MAGI2: variants seen among roughly 807,000 people sequenced by gnomAD.
The protein encoded by MAGI2 is membrane-associated guanylate kinase, WW and PDZ domain-containing protein 2.
MAGI2 carries 35 observed loss-of-function variants against 133.3 expected under a neutral mutation model. That is an observed-to-expected ratio of 0.26 (90% confidence interval 0.20 to 0.35). MAGI2 has a LOEUF of 0.35. Among genes scored for constraint, MAGI2 ranks in the 10% least tolerant of loss-of-function variants. MAGI2 has a pLI of 1.00. For missense variants in MAGI2, 1,636 were observed against 1,863.4 expected (o/e 0.88, Z 2.25); for synonymous variants, 729 against 710.6 (o/e 1.03, Z -0.41).
chr7:78,106,327 C>CTTATT (rs1818691135), intron 20 of MAGI2, among the ~76,000 whole-genome samples: 2 of 152,038 alleles, frequency 1.3e-5, no homozygotes, highest in African/African-American at 4.8e-5. Flanking sequence ...CAAGGGGGTG[C>CTTATT]ACATATCTCT....
chr7:78,894,052 T>C (rs746268748), intron 2 of MAGI2, among the ~76,000 whole-genome samples: 3 of 152,200 alleles, frequency 2.0e-5, no homozygotes, highest in African/African-American at 4.8e-5. Context: ...CCTTCAGTTT[T>C]CAATGACATT....
chr7:78,540,174 T>G (rs1798294337), intron 3 of MAGI2, among the ~76,000 whole-genome samples: 1 of 152,186 alleles, frequency 6.6e-6, no homozygotes, highest in Admixed American at 6.5e-5. Flanking sequence ...CTTTGGCTAC[T>G]AGGGTGGGTA....
intron 1 of MAGI2, among the ~76,000 whole-genome samples, chr7:79,193,073 A>G (rs1435578500): frequency 1.3e-5 from 2 of 151,916 alleles, no homozygotes; most frequent in Non-Finnish European, 2.9e-5. Context: ...TGGCCCCCAC[A>G]AAGTGCTGGG....
intron 1 of MAGI2, among the ~76,000 whole-genome samples, chr7:79,318,715 C>T (rs1293630856): frequency 2.0e-5 from 3 of 152,090 alleles, no homozygotes; most frequent in Non-Finnish European, 2.9e-5. Context: ...ATAATATTTG[C>T]TTTTGCACAG....
At chr7:78,032,707 T>G (rs1378648769) in intron 21 of MAGI2, among the ~76,000 whole-genome samples, 1 of 151,982 alleles carries the variant, frequency 6.6e-6, no homozygotes, top group Non-Finnish European at 1.5e-5. Flanking sequence ...ATAAGGTAAG[T>G]TAAGGAGATA....
At chr7:79,052,507 G>A (rs1333195827) in intron 1 of MAGI2, among the ~76,000 whole-genome samples, 4 of 152,166 alleles carry the variant, frequency 2.6e-5, no homozygotes, top group Admixed American at 2.6e-4. Context: ...ATGGCTCTGG[G>A]ATGTTGGCAT....
At chr7:78,735,517 C>G (rs907574251) in intron 2 of MAGI2, among the ~76,000 whole-genome samples, 4 of 152,196 alleles carry the variant, frequency 2.6e-5, no homozygotes, top group Non-Finnish European at 5.9e-5. Context: ...AGAACATTGG[C>G]ATTGGTTTTC....
At chr7:78,392,217 C>T (rs1199059373) in intron 6 of MAGI2, among the ~76,000 whole-genome samples, 2 of 152,130 alleles carry the variant, frequency 1.3e-5, no homozygotes, top group African/African-American at 2.4e-5. Flanking sequence ...GACTAGTATA[C>T]ATAAATATTG....
intron 2 of MAGI2, among the ~76,000 whole-genome samples, chr7:78,646,392 G>GA (rs1296277778): frequency 6.6e-6 from 1 of 152,050 alleles, no homozygotes; most frequent in East Asian, 1.9e-4. Context: ...TTTAAAGCAA[G>GA]AAAAAATTGT....
intron 2 of MAGI2, among the ~76,000 whole-genome samples, chr7:78,732,082 A>C (rs982395617): frequency 1.2e-4 from 19 of 152,160 alleles, no homozygotes; most frequent in Non-Finnish European, 8.8e-5. Context: ...AAGAAAAGAA[A>C]AGAACAATAA....
At chr7:78,951,592 A>C (rs377631610) in intron 2 of MAGI2, among the ~76,000 whole-genome samples, 4 of 152,194 alleles carry the variant, frequency 2.6e-5, no homozygotes, top group African/African-American at 7.2e-5. Context: ...GGATTATGGG[A>C]ACTGCAAGTC....
Position 78,376,866 on chromosome 7 carries a change from C to T in MAGI2, c.1046-7653G>A, listed in dbSNP as rs960586094. Among the ~76,000 whole-genome samples, 15 of 152,050 alleles carry T rather than the reference C, an allele frequency of 9.9e-5. No individual in the cohort carries two copies. The East Asian group carries it at 1.4e-3, about 14-fold the overall frequency. ...GTCGTCCTTGGTTTAAGTTTGCAAG[C>T]GGCATTACAAGGTCAAAACATGATG... is the stretch of plus-strand genomic sequence containing the variant. On this transcript the variant is annotated intron_variant, in intron 6 of 21. Coordinates refer to ENST00000354212, the MANE Select transcript of MAGI2 (RefSeq NM_012301.4).
Position 78,101,442 on chromosome 7 carries a change from A to T in MAGI2, c.3568-22357T>A, listed in dbSNP as rs575571424. 1.3e-3 allele frequency among the ~76,000 whole-genome samples: 205 copies of T among 152,344 alleles called. 1 individual carries two copies. Among genetic ancestry groups the T allele is most frequent in the Non-Finnish European group, 2.5e-3 (168 of 68,026 alleles). ...TCAACAACATGAGTGATAAGAATACACAATGAGGAAAGGATTGTCTCTTCA... is the reference window on the plus strand; with the variant it reads ...TCAACAACATGAGTGATAAGAATACTCAATGAGGAAAGGATTGTCTCTTCA... On this transcript the variant is annotated intron_variant, in intron 20 of 21. Transcript: ENST00000354212.
intron 1 of MAGI2, among the ~76,000 whole-genome samples, chr7:79,205,161 A>C (rs1019269118): frequency 2.6e-5 from 4 of 151,668 alleles, no homozygotes; most frequent in African/African-American, 9.8e-5. Context: ...TCCACATAAG[A>C]ATACCCCAAG....
rs1584464830 is a variant in MAGI2 at position 78,224,968 on chromosome 7, C to T, written c.2048-23775G>A. 3.9e-5 allele frequency among the ~76,000 whole-genome samples: 6 copies of T among 152,124 alleles called. No individual in the cohort carries two copies. The South Asian group carries it at 1.2e-3, about 32-fold the overall frequency. Reference sequence around the variant, plus strand: ...AGGTCCTGAGGTCTGGCTGCTACCCCCGCCTTCCCTCTGCTCACCTCACCT... The same window carrying T: ...AGGTCCTGAGGTCTGGCTGCTACCCTCGCCTTCCCTCTGCTCACCTCACCT... On this transcript the variant is annotated intron_variant, in intron 10 of 21. Coordinates refer to ENST00000354212, the MANE Select transcript of MAGI2 (RefSeq NM_012301.4).
chr7:78,300,227 A>G (rs1300057667), intron 9 of MAGI2, among the ~76,000 whole-genome samples: 3 of 152,210 alleles, frequency 2.0e-5, no homozygotes, highest in African/African-American at 7.2e-5. Flanking sequence ...GCATTTAATA[A>G]TTTAATGAAG....
rs1023993927 is a variant in MAGI2 at position 78,307,564 on chromosome 7, A to G, written c.1408+36214T>C. Among the ~76,000 whole-genome samples the G allele has an allele frequency of 2.6e-5, 4 of 152,214 alleles. No homozygotes were observed. The South Asian group carries it at 8.3e-4, about 32-fold the overall frequency. ...GTGTTGTAACAGAAAGAACATTACCAGATAACAAAACATGAAGCAGTAATA... is the reference window on the plus strand; with the variant it reads ...GTGTTGTAACAGAAAGAACATTACCGGATAACAAAACATGAAGCAGTAATA... On this transcript the variant is annotated intron_variant, in intron 9 of 21. Coordinates refer to ENST00000354212, the MANE Select transcript of MAGI2 (RefSeq NM_012301.4).
intron 1 of MAGI2, among the ~76,000 whole-genome samples, chr7:79,042,762 T>C (rs1811787126): frequency 6.6e-6 from 1 of 152,018 alleles, no homozygotes; most frequent in Non-Finnish European, 1.5e-5. Context: ...CACAGAACAC[T>C]CCACCCAACA....
intron 9 of MAGI2, among the ~76,000 whole-genome samples, chr7:78,339,691 A>C (rs1236440991): frequency 6.6e-6 from 1 of 152,186 alleles, no homozygotes; most frequent in South Asian, 2.1e-4. Flanking sequence ...GAAACATTTG[A>C]TGTTTGTGAG....
Sources: gnomAD v4.1 joint callset for allele counts (sites outside exome capture counted in the v4.1 genomes callset) on GRCh38, gnomAD v4.1.1 for gene constraint, MANE v1.5 for transcripts, NCBI Gene and HGNC (gene_info 2026-07-23, HGNC 2026-07-21) for gene names.